ROPN1: variants seen among roughly 807,000 people sequenced by gnomAD.
ROPN1 encodes the protein ropporin-1A.
Under a neutral mutation model 20.5 loss-of-function variants are expected in ROPN1, and 14 were observed. The observed-to-expected ratio is 0.68, with a 90% confidence interval of 0.45 to 1.07. ROPN1 has a LOEUF of 1.07. Among genes scored for constraint, ROPN1 ranks in the 50% least tolerant of loss-of-function variants. ROPN1 has a pLI of 0.00. For synonymous variants in ROPN1, 76 were observed against 95.7 expected (o/e 0.79, Z 1.20); for missense variants, 169 against 242.8 (o/e 0.70, Z 2.02).
intron 1 of ROPN1, among the ~76,000 whole-genome samples, chr3:123,980,952 G>C (rs2038134089): frequency 6.6e-6 from 1 of 152,182 alleles, no homozygotes; most frequent in Non-Finnish European, 1.5e-5. Context: ...TGAACCCTCT[G>C]TGAATTGACA....
chr3:123,972,707 C>A (rs895860636), intron 4 of ROPN1, among the ~76,000 whole-genome samples: 1 of 152,160 alleles, frequency 6.6e-6, no homozygotes, highest in Non-Finnish European at 1.5e-5. Context: ...AGATCTTCTA[C>A]AAGGAACAAA....
chr3:123,980,830 TAAA>T (rs910031743), intron 1 of ROPN1: 1 of 200,378 alleles, frequency 5.0e-6, no homozygotes, highest in East Asian at 1.2e-4. Context: ...GTTTGTAAAA[TAAA>T]AAAATAAGAT....
chr3:123,969,283 AT>A (rs1190060523), intron 5 of ROPN1, 62 bp from the exon 6 acceptor site: 1 of 1,279,888 alleles, frequency 7.8e-7, no homozygotes, highest in Non-Finnish European at 1.1e-6. Context: ...GAAAGACAAT[AT>A]GCAAACAACT....
chr3:123,974,022 G>A (rs1420804330), intron 4 of ROPN1, among the ~76,000 whole-genome samples: 1 of 152,134 alleles, frequency 6.6e-6, no homozygotes, highest in Non-Finnish European at 1.5e-5. Flanking sequence ...AGAGCGTGGT[G>A]AGGAAAAACC....
intron 4 of ROPN1, among the ~76,000 whole-genome samples, chr3:123,973,323 T>C (rs1050418214): frequency 6.6e-6 from 1 of 152,180 alleles, no homozygotes; most frequent in African/African-American, 2.4e-5. Context: ...TAGGGGTTCT[T>C]TGACATGGGG....
chr3:123,986,880 C>A (rs970021620), intron 1 of ROPN1, among the ~76,000 whole-genome samples: 6 of 152,240 alleles, frequency 3.9e-5, no homozygotes, highest in South Asian at 4.1e-4. Flanking sequence ...ATGGTGTGGA[C>A]CCCCAAGGCA....
chr3:123,985,126 A>G (rs2038225080), intron 1 of ROPN1, among the ~76,000 whole-genome samples: 1 of 152,214 alleles, frequency 6.6e-6, no homozygotes, highest in Admixed American at 6.5e-5. Flanking sequence ...AACCACTTAC[A>G]AACTTACAAC....
rs143196265 is a variant in ROPN1, at chr3:123,982,968, C to T, written c.-12-2475G>A. 7.8e-4 allele frequency among the ~76,000 whole-genome samples: 118 copies of T among 152,148 alleles called. 1 individual carries two copies. In the East Asian group the frequency reaches 0.023, roughly 29 times the overall value. ...AATCATATGGCATATAATATTTGTC[C>T]CTTTGTGTGTGGTTTATTTCGCTTA... On this transcript the variant is annotated intron_variant, in intron 1 of 5. Transcript: ENST00000405845.
chr3:123,981,999 G>A (rs1391684473), intron 1 of ROPN1, among the ~76,000 whole-genome samples: 1 of 152,120 alleles, frequency 6.6e-6, no homozygotes, highest in Non-Finnish European at 1.5e-5. Flanking sequence ...AGAAAATAAT[G>A]CATACATATC....
intron 1 of ROPN1, among the ~76,000 whole-genome samples, chr3:123,989,579 T>C (rs543978832): frequency 6.6e-5 from 10 of 152,342 alleles, no homozygotes; most frequent in African/African-American, 2.4e-4. Flanking sequence ...GTTTCTCCTA[T>C]GCTGGGATCC....
chr3:123,983,192 C>T (rs1437789705), intron 1 of ROPN1, among the ~76,000 whole-genome samples: 24 of 152,204 alleles, frequency 1.6e-4, no homozygotes. Context: ...ATCATTTCCA[C>T]ATTTTAGCTA....
In ROPN1 at chr3:123,979,648, AAG is replaced by A. The variant is rs548389928; in HGVS notation, c.116+716_116+717del. 1,706 of 374,874 alleles carry A rather than the reference AAG, an allele frequency of 4.6e-3. 8 individuals are homozygous for A. Among genetic ancestry groups the A allele is most frequent in the Non-Finnish European group, 5.8e-3 (1,122 of 193,666 alleles). 23.2% of individuals were successfully genotyped at this position (374,874 alleles called of 1,614,324 possible). ...AGCCTCTGGAGGTCTCTCCTGAAAGAAGGCACCCGTGTTTGAGGCACACTGTT... is the reference window on the plus strand; with the variant it reads ...AGCCTCTGGAGGTCTCTCCTGAAAGAGCACCCGTGTTTGAGGCACACTGTT... On this transcript the variant is annotated intron_variant, in intron 2 of 5. Coordinates refer to ENST00000405845, the MANE Select transcript of ROPN1 (RefSeq NM_001317774.2).
At chr3:123,980,516 C>A (rs140275553) in intron 1 of ROPN1, 23 bp from the exon 2 acceptor site, 1 of 1,605,818 alleles carries the variant, frequency 6.2e-7, no homozygotes, top group Non-Finnish European at 8.5e-7. Context: ...GAAAAAAATA[C>A]GTTAAGATGA....
chr3:123,986,675 T>C (rs1040430849), intron 1 of ROPN1, among the ~76,000 whole-genome samples: 5 of 152,164 alleles, frequency 3.3e-5, no homozygotes, highest in African/African-American at 1.2e-4. Context: ...TGGACTACAC[T>C]CTTGTGTGCT....
At chr3:123,985,248 C>G (rs2038227187) in intron 1 of ROPN1, among the ~76,000 whole-genome samples, 1 of 152,190 alleles carries the variant, frequency 6.6e-6, no homozygotes, top group Non-Finnish European at 1.5e-5. Context: ...CCAGAGACGC[C>G]TTTATAGGGC....
chr3:123,975,850 T>A (rs1047909826), intron 3 of ROPN1: 1 of 374,894 alleles, frequency 2.7e-6, no homozygotes, highest in Non-Finnish European at 5.2e-6. Context: ...AATTGTTTTA[T>A]TCCTTATATG....
intron 1 of ROPN1, among the ~76,000 whole-genome samples, chr3:123,987,269 C>T (rs569836368): frequency 2.0e-4 from 30 of 152,362 alleles, no homozygotes; most frequent in African/African-American, 6.7e-4. Context: ...TCAACTCACT[C>T]GTTCCCCCAG....
chr3:123,971,817 C>G (rs1016149539), intron 4 of ROPN1, among the ~76,000 whole-genome samples: 1 of 152,196 alleles, frequency 6.6e-6, no homozygotes. Context: ...CCATGGGGTG[C>G]TGGTATGGGC....
Position 123,992,014 on chromosome 3 carries a change from C to T in ROPN1, c.-105G>A, listed in dbSNP as rs1369201234. 1 of 132,724 alleles carries T rather than the reference C, an allele frequency of 7.5e-6. No homozygotes were observed. Among genetic ancestry groups the T allele is most frequent in the Admixed American group, 7.8e-5 (1 of 12,830 alleles). The allele number at this position is 132,724 out of a possible 1,614,324, so 8.2% of individuals were successfully genotyped here. A position where few individuals can be genotyped will look rare whatever the true frequency, so the allele number is the denominator to read the frequency against. Reference sequence around the variant, plus strand: ...GTGTGGGGAGAGACCGAGTGCCTCCCACCCTTCTTAAGAAGGAGAGCAGTA... The same window carrying T: ...GTGTGGGGAGAGACCGAGTGCCTCCTACCCTTCTTAAGAAGGAGAGCAGTA... On this transcript the variant is annotated 5_prime_UTR_variant, in exon 1 of 6. Transcript: ENST00000405845.
Sources: allele counts gnomAD v4.1 joint callset (sites outside exome capture counted in the v4.1 genomes callset), GRCh38; gene constraint gnomAD v4.1.1; transcripts MANE v1.5; gene names NCBI Gene and HGNC (gene_info 2026-07-23, HGNC 2026-07-21).